The following NECAB2 variants were observed in gnomAD, a reference collection of about 807,000 sequenced individuals.
NECAB2 encodes N-terminal EF-hand calcium binding protein 2, also known as N-terminal EF-hand calcium-binding protein 2.
NECAB2 carries 68 observed loss-of-function variants against 51.9 expected under a neutral mutation model. The observed-to-expected ratio is 1.31, with a 90% CI of 1.08 to 1.60. The LOEUF (loss-of-function observed/expected upper bound fraction) is 1.60, where lower values mean the gene tolerates loss of function less well. Among genes scored for constraint, NECAB2 ranks in the 40% most tolerant of loss-of-function variants. NECAB2 has a pLI of 0.00. For synonymous variants in NECAB2, 329 were observed against 203.5 expected (o/e 1.62, Z -5.25); for missense variants, 854 against 490.3 (o/e 1.74, Z -7.00).
chr16:83,998,845 T>C (rs180950547), intron 10 of NECAB2, among the ~76,000 whole-genome samples: 1 of 152,284 alleles, frequency 6.6e-6, no homozygotes, highest in Admixed American at 6.5e-5. Context: ...GCAAGCGGCC[T>C]TACCTTCAAA....
chr16:83,985,026 A>T (rs1270788795), intron 5 of NECAB2, among the ~76,000 whole-genome samples: 1 of 151,616 alleles, frequency 6.6e-6, no homozygotes, highest in Non-Finnish European at 1.5e-5. Flanking sequence ...TTTACTTTTG[A>T]TGGGGGCTGG....
At chr16:83,996,824 C>G (rs1054983739) in intron 8 of NECAB2, among the ~76,000 whole-genome samples, 7 of 152,098 alleles carry the variant, frequency 4.6e-5, no homozygotes, top group Non-Finnish European at 7.4e-5. Flanking sequence ...TATTTGTAAA[C>G]CATCTAGCTT....
rs1484612655 is a variant in NECAB2, at chr16:83,997,234, C to G, written c.814C>G (p.Gln272Glu). 5.0e-6 allele frequency: 8 copies of G among 1,614,020 alleles called. No homozygotes were observed. The African/African-American group carries it at 5.3e-5, about 11-fold the overall frequency. The change falls in exon 9 of 13, where the codon CAG (glutamine) becomes GAG (glutamate). Residue 272 changes from glutamine (Q) to glutamate (E), a missense_variant. Gln to Glu is a conservative substitution (Grantham distance 29, BLOSUM62 2). Transcript: ENST00000305202. ...LESKALWFDLQQRLSDEDGTN... is the reference protein window; with the variant it reads ...LESKALWFDLEQRLSDEDGTN... ...GTTTCAGGCACTGTGGTTCGACCTG[C>G]AGCAGCGCCTGTCAGATGAAGATGG...
chr16:83,998,608 G>A (rs957848146), intron 10 of NECAB2, among the ~76,000 whole-genome samples: 1 of 152,194 alleles, frequency 6.6e-6, no homozygotes, highest in Non-Finnish European at 1.5e-5. Flanking sequence ...TCAAGTGTGT[G>A]AATCTCAAGT....
At chr16:83,996,948 C>CAT (rs1183958186) in intron 8 of NECAB2, among the ~76,000 whole-genome samples, 1 of 151,774 alleles carries the variant, frequency 6.6e-6, no homozygotes. Context: ...TGTTGCTCAT[C>CAT]ATAGTGGCAA....
rs1022328584 is a variant in NECAB2, at chr16:83,974,500, C to T, written c.226+2325C>T. Reference sequence around the variant, plus strand: ...ATTCCTCTGTGCTCAGCAGGGAATTCGGTCTGGGGGAGGCTGCCAGCAGTC... The same window carrying T: ...ATTCCTCTGTGCTCAGCAGGGAATTTGGTCTGGGGGAGGCTGCCAGCAGTC... On this transcript the variant is annotated intron_variant, in intron 2 of 12. Coordinates refer to ENST00000305202, the MANE Select transcript of NECAB2 (RefSeq NM_019065.3). Among the ~76,000 whole-genome samples the T allele has an allele frequency of 7.9e-5, 12 of 152,204 alleles. No homozygotes were observed. In the South Asian group the frequency reaches 2.1e-3, roughly 26 times the overall value.
At chr16:84,001,195 T>G (rs1283051898) in intron 11 of NECAB2, among the ~76,000 whole-genome samples, 1 of 151,698 alleles carries the variant, frequency 6.6e-6, no homozygotes, top group African/African-American at 2.4e-5. Context: ...TCCAGCTGAG[T>G]GCCCGGTACG....
chr16:84,001,638 T>C (rs532659202), intron 11 of NECAB2, among the ~76,000 whole-genome samples, 187 bp from the exon 12 acceptor site: 270 of 152,172 alleles, frequency 1.8e-3, no homozygotes, highest in African/African-American at 6.3e-3. Flanking sequence ...AAAGAGAAGC[T>C]CACTGCCCAC....
chr16:83,983,022 C>G (rs540638405), intron 5 of NECAB2, among the ~76,000 whole-genome samples: 2 of 151,968 alleles, frequency 1.3e-5, no homozygotes, highest in Non-Finnish European at 1.5e-5. Flanking sequence ...GCGCCCACCA[C>G]CACTCCTGGG....
rs1448095795 is a variant in NECAB2, at chr16:83,968,598, A to G, written c.-51A>G. ...AGGGGGTCGCGCGGGGGCGGGCCGC[A>G]GCTGGGCGGGGGTCGGCGGGCTTCC... is the stretch of plus-strand genomic sequence containing the variant. On this transcript the variant is annotated 5_prime_UTR_variant, in exon 1 of 13. Transcript: ENST00000305202. 2.1e-6 allele frequency: 2 copies of G among 968,494 alleles called. No homozygotes were observed. The highest frequency in any genetic ancestry group is 2.4e-6 in the Non-Finnish European group (2 of 819,502). 60.0% of individuals were successfully genotyped at this position (968,494 alleles called of 1,614,324 possible).
intron 5 of NECAB2, among the ~76,000 whole-genome samples, chr16:83,982,699 C>G (rs1056107999): frequency 6.6e-6 from 1 of 152,154 alleles, no homozygotes; most frequent in Non-Finnish European, 1.5e-5. Flanking sequence ...AGAGAGTTCT[C>G]CATCAGTGTC....
At position 84,000,658 on chromosome 16, in the gene NECAB2, G is replaced by A. The variant is rs1228688386; in HGVS notation, c.963-66G>A. ...AGTGGTGGGTCTCAGGCCACCCCAGGGGAACAGCACTGAGGTGGCCTTGGT... is the reference window on the plus strand; with the variant it reads ...AGTGGTGGGTCTCAGGCCACCCCAGAGGAACAGCACTGAGGTGGCCTTGGT... On this transcript the variant is annotated intron_variant, in intron 10 of 12. Coordinates refer to ENST00000305202, the MANE Select transcript of NECAB2 (RefSeq NM_019065.3). The A allele has an allele frequency of 8.4e-6, 12 of 1,423,088 alleles. No individual in the cohort carries two copies. The East Asian group carries it at 2.7e-4, about 33-fold the overall frequency. 88.2% of individuals were successfully genotyped at this position (1,423,088 alleles called of 1,614,324 possible). A position where few individuals can be genotyped will look rare whatever the true frequency, so the allele number is the denominator to read the frequency against.
chr16:83,976,635 T>A (rs557310910), intron 2 of NECAB2, among the ~76,000 whole-genome samples: 1 of 152,062 alleles, frequency 6.6e-6, no homozygotes, highest in African/African-American at 2.4e-5. Context: ...TGGATTGGGG[T>A]TTTTTTGGCC....
chr16:83,998,502 C>T (rs898975619), intron 10 of NECAB2, among the ~76,000 whole-genome samples, 185 bp downstream of exon 10: 1 of 152,160 alleles, frequency 6.6e-6, no homozygotes, highest in Non-Finnish European at 1.5e-5. Flanking sequence ...GCAAATGTGG[C>T]AGGTGTCTTC....
At chr16:83,997,079 G>C in intron 8 of NECAB2, 137 bp from the exon 9 acceptor site, 1 of 865,478 alleles carries the variant, frequency 1.2e-6, no homozygotes, top group Non-Finnish European at 1.8e-6. Flanking sequence ...CCACTTCCTA[G>C]CGTTGGTCTC....
intron 8 of NECAB2, among the ~76,000 whole-genome samples, chr16:83,996,091 TTCACCGGCCAA>T (rs746537759): frequency 6.6e-6 from 1 of 152,168 alleles, no homozygotes; most frequent in Non-Finnish European, 1.5e-5. Flanking sequence ...GGCCCCGCCC[TTCACCGGCCAA>T]CCGGAGCTGC....
intron 1 of NECAB2, chr16:83,971,769 G>C (rs976236281): frequency 2.7e-5 from 9 of 336,314 alleles, no homozygotes; most frequent in African/African-American, 1.9e-4. Context: ...AGGTTGTGGC[G>C]CTCCCTGGGA....
chr16:83,990,457 C>T, intron 5 of NECAB2, 37 bp from the exon 6 acceptor site: 3 of 1,609,132 alleles, frequency 1.9e-6, no homozygotes, highest in East Asian at 2.2e-5. Flanking sequence ...TCCCTCCCAC[C>T]CCTTTCCCCT....
chr16:83,978,521 C>A lies in NECAB2; in HGVS notation c.304C>A (p.Leu102Ile), dbSNP rs533909737. The change falls in exon 3 of 13, where the codon CTC becomes ATC. Residue 102 changes from leucine to isoleucine, a missense_variant. Coordinates refer to ENST00000305202, the MANE Select transcript of NECAB2 (RefSeq NM_019065.3). Reference protein sequence around the residue: ...GVLNEKELEDLFHTIDSDNTN... With the variant: ...GVLNEKELEDIFHTIDSDNTN... Reference sequence around the variant, plus strand: ...CCTTAATGAGAAAGAACTGGAGGATCTCTTTCACACGATTGACTCTGACAA... The same window carrying A: ...CCTTAATGAGAAAGAACTGGAGGATATCTTTCACACGATTGACTCTGACAA... 1.2e-6 allele frequency: 2 copies of A among 1,613,778 alleles called. No homozygotes were observed. Among genetic ancestry groups the A allele is most frequent in the Non-Finnish European group, 1.7e-6 (2 of 1,179,882 alleles).
Sources: allele counts gnomAD v4.1 joint callset (sites outside exome capture counted in the v4.1 genomes callset), GRCh38; gene constraint gnomAD v4.1.1; transcripts MANE v1.5; gene names NCBI Gene and HGNC (gene_info 2026-07-23, HGNC 2026-07-21).